The following TAF4 variants were observed in gnomAD, a reference collection of about 807,000 sequenced individuals.
TAF4 encodes transcription initiation factor TFIID subunit 4.
TAF4 carries 9 observed loss-of-function variants against 90.3 expected under a neutral mutation model. The observed-to-expected ratio is 0.10, with a 90% CI of 0.06 to 0.17. The LOEUF is 0.17. Among genes scored for constraint, TAF4 ranks in the 10% least tolerant of loss-of-function variants. The probability of loss-of-function intolerance (pLI) is 1.00; values close to 1 mark genes in which losing one functional copy is unlikely to be tolerated. For synonymous variants in TAF4, 818 were observed against 638.9 expected (o/e 1.28, Z -4.23); for missense variants, 1,351 against 1,370.7 (o/e 0.99, Z 0.23).
chr20:62,063,540 A>G (rs991024464), intron 1 of TAF4, among the ~76,000 whole-genome samples: 4 of 152,156 alleles, frequency 2.6e-5, no homozygotes, highest in Non-Finnish European at 4.4e-5. Context: ...TCGCAGAGAC[A>G]GCAGACTAGA....
rs551783191 is a variant in TAF4 at position 62,053,656 on chromosome 20, G to A, written c.1360+10795C>T. Among the ~76,000 whole-genome samples the A allele has an allele frequency of 2.6e-5, 4 of 152,332 alleles. No homozygotes were observed. In the South Asian group the frequency reaches 8.3e-4, roughly 32 times the overall value. On this transcript the variant is annotated intron_variant, in intron 1 of 14. Coordinates refer to ENST00000252996, the MANE Select transcript of TAF4 (RefSeq NM_003185.4). Reference sequence around the variant, plus strand: ...AAGGTCTCACCTGAGCTACTGCCGAGTGAACGTTTGTTGACCAACCAACCA... The same window carrying A: ...AAGGTCTCACCTGAGCTACTGCCGAATGAACGTTTGTTGACCAACCAACCA...
chr20:62,030,080 G>C (rs577027031), intron 1 of TAF4, among the ~76,000 whole-genome samples: 1 of 152,150 alleles, frequency 6.6e-6, no homozygotes, highest in African/African-American at 2.4e-5. Context: ...CCAGCGCTGC[G>C]AGGCCAGGCG....
chr20:61,983,292 C>CAAA (rs60160264), intron 14 of TAF4, among the ~76,000 whole-genome samples: 3 of 104,928 alleles, frequency 2.9e-5, no homozygotes, highest in East Asian at 2.3e-4. Flanking sequence ...TTCCTAAATA[C>CAAA]AAAAAAAAAA....
chr20:62,048,765 C>T (rs907527035), intron 1 of TAF4, among the ~76,000 whole-genome samples: 5 of 150,390 alleles, frequency 3.3e-5, no homozygotes, highest in African/African-American at 1.2e-4. Flanking sequence ...CAGGCTCCAT[C>T]CTCCTGCAGC....
chr20:61,995,999 C>T (rs1378488722), intron 14 of TAF4, among the ~76,000 whole-genome samples: 1 of 152,142 alleles, frequency 6.6e-6, no homozygotes, highest in African/African-American at 2.4e-5. Context: ...ATCCTGAGAA[C>T]CACAGCAAAA....
intron 1 of TAF4, among the ~76,000 whole-genome samples, chr20:62,051,604 A>G (rs1326965858): frequency 2.6e-5 from 4 of 151,020 alleles, no homozygotes; most frequent in African/African-American, 9.7e-5. Context: ...TCCCACCACC[A>G]AGAGCCCTGA....
intron 1 of TAF4, among the ~76,000 whole-genome samples, chr20:62,038,985 G>C (rs544417349): frequency 6.6e-6 from 1 of 152,164 alleles, no homozygotes; most frequent in Non-Finnish European, 1.5e-5. Context: ...CCCGGGAGTC[G>C]GAGCTTGCAG....
intron 1 of TAF4, among the ~76,000 whole-genome samples, chr20:62,053,799 C>A (rs1301058835): frequency 1.3e-5 from 2 of 152,278 alleles, no homozygotes; most frequent in Non-Finnish European, 2.9e-5. Context: ...TGCAGACAGA[C>A]ACAGACAATG....
Position 62,064,619 on chromosome 20 carries a change from T to TG in TAF4, c.1191dup (p.Thr398HisfsTer64). The TG allele has an allele frequency of 7.2e-7, 1 of 1,385,770 alleles. No homozygotes were observed. The highest frequency in any genetic ancestry group is 1.6e-5 in the South Asian group (1 of 62,396). 85.8% of individuals were successfully genotyped at this position (1,385,770 alleles called of 1,614,324 possible). A position where few individuals can be genotyped will look rare whatever the true frequency, so the allele number is the denominator to read the frequency against. ...CCGGCCGCGCCTTTGGGCAGCCCGGTGGGGGTCCCGGGGGCGGGCGGCGGG... is the reference window on the plus strand; with the variant it reads ...CCGGCCGCGCCTTTGGGCAGCCCGGTGGGGGGTCCCGGGGGCGGGCGGCGGG... On this transcript the variant is annotated frameshift_variant, in exon 1 of 15. Transcript: ENST00000252996. LOFTEE classifies it high-confidence loss of function.
chr20:62,005,048 A>G (rs1401699808), intron 7 of TAF4: 2 of 152,346 alleles, frequency 1.3e-5, no homozygotes, highest in African/African-American at 4.8e-5. Context: ...ATGCTGCAGA[A>G]CATGTGTGGG....
intron 1 of TAF4, among the ~76,000 whole-genome samples, chr20:62,023,717 C>T (rs1347721286): frequency 7.2e-6 from 1 of 138,020 alleles, no homozygotes; most frequent in African/African-American, 2.7e-5. Flanking sequence ...CACTGCACTC[C>T]AGCCTGGGCA....
rs1377699101 is a variant in TAF4, at chr20:62,065,178, G to T, written c.633C>A (p.Ala211=). The change falls in exon 1 of 15, where the codon GCC becomes GCA. Residue 211 remains alanine (A), a synonymous_variant. Coordinates refer to ENST00000252996, the MANE Select transcript of TAF4 (RefSeq NM_003185.4). ...SAALLNSHHA[A]APAVSLVNNG... is the part of the protein sequence containing the mutation. ...TGTTGACCAGGCTGACAGCAGGTGC[G>T]GCGGCGTGGTGCGAGTTCAGCAGCG... 2 of 1,212,496 alleles carry T rather than the reference G, an allele frequency of 1.6e-6. No homozygotes were observed. Among genetic ancestry groups the T allele is most frequent in the Admixed American group, 2.7e-5 (1 of 37,440 alleles). 75.1% of individuals were successfully genotyped at this position (1,212,496 alleles called of 1,614,324 possible).
intron 1 of TAF4, among the ~76,000 whole-genome samples, chr20:62,053,046 A>C (rs1239085394): frequency 6.6e-6 from 1 of 151,906 alleles, no homozygotes; most frequent in Non-Finnish European, 1.5e-5. Flanking sequence ...CCCTTCCCAC[A>C]CAGGAACTCT....
At chr20:62,056,070 C>T (rs1182188165) in intron 1 of TAF4, among the ~76,000 whole-genome samples, 1 of 152,258 alleles carries the variant, frequency 6.6e-6, no homozygotes. Flanking sequence ...AACCCCGTCA[C>T]TACTAAAAAT....
rs926015871 is a variant in TAF4 at position 62,025,648 on chromosome 20, C to G, written c.1361-10941G>C. On this transcript the variant is annotated intron_variant, in intron 1 of 14. Transcript: ENST00000252996. ...GTGAAGAAGGTACTTGCTTCCCCTT[C>G]GCCTTCTGCCATGATTGTCCCCAGT... Among the ~76,000 whole-genome samples the G allele has an allele frequency of 2.0e-5, 3 of 152,236 alleles. No individual in the cohort carries two copies. In the East Asian group the frequency reaches 5.8e-4, roughly 29 times the overall value.
chr20:62,015,241 C>T (rs2055805875), intron 1 of TAF4, among the ~76,000 whole-genome samples: 1 of 152,228 alleles, frequency 6.6e-6, no homozygotes, highest in African/African-American at 2.4e-5. Context: ...GGCAGTGCTG[C>T]CCCCACACTG....
chr20:62,056,749 T>C (rs1165388936), intron 1 of TAF4, among the ~76,000 whole-genome samples: 1 of 152,208 alleles, frequency 6.6e-6, no homozygotes, highest in African/African-American at 2.4e-5. Flanking sequence ...CAGGTGACGT[T>C]ACAAGTGACT....
intron 1 of TAF4, among the ~76,000 whole-genome samples, chr20:62,060,830 G>A (rs543337075): frequency 1.2e-4 from 19 of 152,274 alleles, no homozygotes; most frequent in African/African-American, 4.1e-4. Flanking sequence ...CTTCCCCATT[G>A]ACAGAACCAG....
chr20:62,020,446 C>G (rs572433415), intron 1 of TAF4, among the ~76,000 whole-genome samples: 67 of 152,278 alleles, frequency 4.4e-4, no homozygotes, highest in Non-Finnish European at 7.9e-4. Flanking sequence ...TCCAGCTCCA[C>G]GTCTGAGCCC....
Sources: allele counts gnomAD v4.1 joint callset (sites outside exome capture counted in the v4.1 genomes callset), GRCh38; gene constraint gnomAD v4.1.1; transcripts MANE v1.5; gene names NCBI Gene and HGNC (gene_info 2026-07-23, HGNC 2026-07-21).